RYR2: variants seen among roughly 807,000 people sequenced by gnomAD.
RYR2 encodes ryanodine receptor 2.
A neutral mutation model predicts 601.1 loss-of-function variants in RYR2; 227 were observed. The ratio of observed to expected loss-of-function variants is 0.38; its 90% confidence interval spans 0.34 to 0.42. The LOEUF is 0.42. Among genes scored for constraint, RYR2 ranks in the 10% least tolerant of loss-of-function variants. RYR2 has a pLI of 1.00. For missense variants in RYR2, 4,646 were observed against 6,156.5 expected (o/e 0.75, Z 8.21); for synonymous variants, 2,223 against 2,175.1 (o/e 1.02, Z -0.61).
At chr1:237,429,833 T>G (rs982732897) in intron 12 of RYR2, among the ~76,000 whole-genome samples, 1 of 152,072 alleles carries the variant, frequency 6.6e-6, no homozygotes, top group Non-Finnish European at 1.5e-5. Context: ...AGTGAAAACT[T>G]GTAGGTAAAA....
chr1:237,696,561 A>G (rs1212489440), intron 63 of RYR2, among the ~76,000 whole-genome samples: 2 of 146,796 alleles, frequency 1.4e-5, no homozygotes, highest in Non-Finnish European at 3.0e-5. Context: ...TTTTCAATCA[A>G]TTGCCTATTC....
In RYR2 at chr1:237,828,447, T is replaced by C; in HGVS notation, c.14655+2T>C. ...GAACAAGTCAAAGAAGACATGGAGGTAAGCTTCTCCATTCATGACTCAGCT... is the reference window on the plus strand; with the variant it reads ...GAACAAGTCAAAGAAGACATGGAGGCAAGCTTCTCCATTCATGACTCAGCT... On this transcript the variant is annotated splice_donor_variant, in intron 102 of 104. Transcript: ENST00000366574. LOFTEE classifies it high-confidence loss of function. The C allele has an allele frequency of 6.4e-7, 1 of 1,551,958 alleles. No individual in the cohort carries two copies. The highest frequency in any genetic ancestry group is 8.7e-7 in the Non-Finnish European group (1 of 1,143,230).
chr1:237,782,067 T>G (rs949328367), intron 89 of RYR2, among the ~76,000 whole-genome samples: 5 of 152,066 alleles, frequency 3.3e-5, no homozygotes, highest in African/African-American at 1.2e-4. Flanking sequence ...GTGGCACTGC[T>G]GGGAAAGCCT....
chr1:237,537,398 G>A (rs865812401), intron 25 of RYR2, among the ~76,000 whole-genome samples: 7 of 151,804 alleles, frequency 4.6e-5, no homozygotes, highest in African/African-American at 1.5e-4. Context: ...ATCTTGGCTC[G>A]CTGCAACCTC....
chr1:237,336,725 C>T (rs991457126), intron 3 of RYR2, among the ~76,000 whole-genome samples: 7 of 151,944 alleles, frequency 4.6e-5, no homozygotes, highest in South Asian at 2.1e-4. Context: ...GGTGTGGTGG[C>T]GCACACCTGT....
intron 1 of RYR2, among the ~76,000 whole-genome samples, chr1:237,190,706 AG>A (rs1158194008): frequency 6.6e-6 from 1 of 152,256 alleles, no homozygotes; most frequent in African/African-American, 2.4e-5. Context: ...TAAAGTATAC[AG>A]GAGAATGTGC....
rs772005577 is a variant in RYR2, at chr1:237,330,963, C to T, written c.254C>T (p.Thr85Ile). Residue 85 changes from threonine (T) to isoleucine (I), a missense_variant, in exon 3 of 105, where the codon ACC becomes ATC. Physicochemically the swap from Thr to Ile is moderately conservative, Grantham distance 89. This residue lies in a region of RYR2 where 153 missense variants were observed against 203.6 expected (regional missense o/e 0.75). Transcript: ENST00000366574. ...VRALQEMLAN[T>I]VEKSEGQVDV... is the part of the protein sequence containing the mutation. Reference sequence around the variant, plus strand: ...GCGCTGCAGGAGATGCTGGCTAACACCGTGGAGAAATCAGAAGGGGCAAGT... The same window carrying T: ...GCGCTGCAGGAGATGCTGGCTAACATCGTGGAGAAATCAGAAGGGGCAAGT... 1 of 1,613,922 alleles carries T rather than the reference C, an allele frequency of 6.2e-7. No homozygotes were observed. The highest frequency in any genetic ancestry group is 8.5e-7 in the Non-Finnish European group (1 of 1,179,826).
intron 1 of RYR2, among the ~76,000 whole-genome samples, chr1:237,194,680 T>C (rs1225038472): frequency 6.6e-6 from 1 of 151,524 alleles, no homozygotes; most frequent in African/African-American, 2.4e-5. Flanking sequence ...GGAGAGCGAG[T>C]GAGCAGGGCT....
At chr1:237,798,771 A>G (rs1384529884) in intron 97 of RYR2, among the ~76,000 whole-genome samples, 1 of 106,608 alleles carries the variant, frequency 9.4e-6, no homozygotes, top group East Asian at 3.2e-4. Flanking sequence ...ACCTGAATTT[A>G]AATGTCACAC....
chr1:237,322,836 G>A (rs1197630331), intron 2 of RYR2, among the ~76,000 whole-genome samples: 1 of 150,926 alleles, frequency 6.6e-6, no homozygotes, highest in Non-Finnish European at 1.5e-5. Flanking sequence ...GTGTGTGTGT[G>A]TGTGTGTGTG....
At chr1:237,081,640 C>T (rs942114241) in intron 1 of RYR2, among the ~76,000 whole-genome samples, 8 of 151,872 alleles carry the variant, frequency 5.3e-5, no homozygotes, top group African/African-American at 1.9e-4. Flanking sequence ...CTCTCTCTCC[C>T]TCTCTCTGTC....
At chr1:237,806,028 G>A in intron 98 of RYR2, 109 bp from the exon 99 acceptor site, 1 of 902,152 alleles carries the variant, frequency 1.1e-6, no homozygotes, top group Non-Finnish European at 1.7e-6. Context: ...ATGTGAGTGA[G>A]AACATGTAGA....
At chr1:237,687,343 G>GTTTTTTTTTTTTTTTTTTTTTTTTTT in intron 62 of RYR2, 112 bp from the exon 63 acceptor site, 1 of 578,488 alleles carries the variant, frequency 1.7e-6, no homozygotes, top group Non-Finnish European at 2.9e-6. Context: ...TATATCAGCT[G>GTTTTTTTTTTTTTTTTTTTTTTTTTT]TTTTTTTTTC....
At chr1:237,746,138 T>G (rs1270232736) in intron 80 of RYR2, among the ~76,000 whole-genome samples, 1 of 152,100 alleles carries the variant, frequency 6.6e-6, no homozygotes, top group Non-Finnish European at 1.5e-5. Flanking sequence ...TTTATAAATG[T>G]AGTAATCTAC....
intron 27 of RYR2, among the ~76,000 whole-genome samples, chr1:237,556,497 G>A (rs2148158046): frequency 6.7e-6 from 1 of 148,684 alleles, no homozygotes; most frequent in East Asian, 2.0e-4. Flanking sequence ...TTTTAGTAGA[G>A]GCGGGGTTTC....
At chr1:237,673,526 G>A (rs1685139370) in intron 58 of RYR2, among the ~76,000 whole-genome samples, 1 of 152,102 alleles carries the variant, frequency 6.6e-6, no homozygotes, top group South Asian at 2.1e-4. Context: ...GTGGTTTAAA[G>A]TCAAGTATTA....
At chr1:237,691,820 C>A (rs1253330350) in intron 63 of RYR2, among the ~76,000 whole-genome samples, 1 of 152,100 alleles carries the variant, frequency 6.6e-6, no homozygotes, top group Non-Finnish European at 1.5e-5. Context: ...TAAGTTGGTG[C>A]ACATAACGAA....
intron 38 of RYR2, 27 bp downstream of exon 38, chr1:237,617,513 G>A (rs370388920): frequency 4.8e-5 from 77 of 1,602,118 alleles, no homozygotes; most frequent in Middle Eastern, 3.3e-4. Flanking sequence ...AAAATTCTTC[G>A]TATTTATGTT....
chr1:237,792,785 C>T (rs1355937332), intron 94 of RYR2, among the ~76,000 whole-genome samples: 1 of 152,186 alleles, frequency 6.6e-6, no homozygotes, highest in Non-Finnish European at 1.5e-5. Flanking sequence ...TGAGCTCACC[C>T]ACCCACTATG....
Sources: allele counts gnomAD v4.1 joint callset (sites outside exome capture counted in the v4.1 genomes callset), GRCh38; gene constraint gnomAD v4.1.1; regional missense constraint gnomAD v4.1.1; transcripts MANE v1.5; gene names NCBI Gene and HGNC (gene_info 2026-07-23, HGNC 2026-07-21).